PDE3A: variants seen among roughly 807,000 people sequenced by gnomAD.
PDE3A encodes phosphodiesterase 3A, also known as cGMP-inhibited 3',5'-cyclic phosphodiesterase 3A.
A neutral mutation model predicts 98.3 loss-of-function variants in PDE3A; 43 were observed. The ratio of observed to expected loss-of-function variants is 0.44; its 90% CI spans 0.34 to 0.56. The LOEUF is 0.56. PDE3A is among the 20% of genes least tolerant of loss of function. PDE3A has a pLI of 0.01. For missense variants in PDE3A, 1,427 were observed against 1,440.7 expected, an observed-to-expected ratio of 0.99 and a Z score of 0.15; for synonymous variants, 663 against 567.9, an observed-to-expected ratio of 1.17 and a Z score of -2.38.
At chr12:20,481,850 C>T (rs955031187) in intron 1 of PDE3A, among the ~76,000 whole-genome samples, 7 of 144,184 alleles carry the variant, frequency 4.9e-5, no homozygotes, top group Non-Finnish European at 7.4e-5. Flanking sequence ...CTGCAAGCTC[C>T]GCCTCCCGTG....
At chr12:20,509,156 G>T (rs1463497575) in intron 1 of PDE3A, among the ~76,000 whole-genome samples, 2 of 151,994 alleles carry the variant, frequency 1.3e-5, no homozygotes, top group Non-Finnish European at 2.9e-5. Flanking sequence ...TATCTAATCT[G>T]CCACCATTAC....
chr12:20,604,545 A>G (rs2121420623), intron 2 of PDE3A, among the ~76,000 whole-genome samples: 1 of 152,308 alleles, frequency 6.6e-6, no homozygotes, highest in Non-Finnish European at 1.5e-5. Flanking sequence ...TTGTTCCAGG[A>G]ATGTTAATGA....
In PDE3A at chr12:20,676,058, TTCTC is replaced by T. The variant is rs370100368; in HGVS notation, c.3185-3958_3185-3955del. On this transcript the variant is annotated intron_variant, in intron 15 of 15. Coordinates refer to ENST00000359062, the MANE Select transcript of PDE3A (RefSeq NM_000921.5). Reference sequence around the variant, plus strand: ...ATTGTTATGTATATCTTTTGTTCCTTTCTCTCTCTCTCTCTCTGTCTTATTGTTT... The same window carrying T: ...ATTGTTATGTATATCTTTTGTTCCTTTCTCTCTCTCTCTGTCTTATTGTTT... 3.9e-4 allele frequency among the ~76,000 whole-genome samples: 58 copies of T among 150,396 alleles called. 1 individual carries two copies. Among genetic ancestry groups the T allele is most frequent in the African/African-American group, 1.3e-3 (52 of 41,280 alleles).
intron 1 of PDE3A, among the ~76,000 whole-genome samples, chr12:20,467,136 G>A (rs1260645683): frequency 1.3e-5 from 2 of 152,058 alleles, no homozygotes; most frequent in African/African-American, 4.8e-5. Flanking sequence ...CTAATTGGGA[G>A]TGAAAGAAGA....
chr12:20,446,097 C>T (rs1277322180), intron 1 of PDE3A, among the ~76,000 whole-genome samples: 1 of 152,130 alleles, frequency 6.6e-6, no homozygotes, highest in Non-Finnish European at 1.5e-5. Context: ...TTTCCCTTCG[C>T]CCTTTCTCCC....
intron 1 of PDE3A, among the ~76,000 whole-genome samples, chr12:20,484,386 A>G (rs1241157510): frequency 1.3e-5 from 2 of 152,242 alleles, no homozygotes; most frequent in Non-Finnish European, 2.9e-5. Context: ...TTGTAATAAA[A>G]ACAGAGTTAA....
chr12:20,536,679 T>G (rs1445011396), intron 1 of PDE3A, among the ~76,000 whole-genome samples: 2 of 152,144 alleles, frequency 1.3e-5, no homozygotes, highest in Non-Finnish European at 2.9e-5. Flanking sequence ...TAGCATAATG[T>G]TTTGAAGGTT....
intron 15 of PDE3A, among the ~76,000 whole-genome samples, chr12:20,668,581 A>G (rs1340798524): frequency 6.6e-6 from 1 of 152,068 alleles, no homozygotes; most frequent in Non-Finnish European, 1.5e-5. Context: ...ACCCCCCAGT[A>G]GAGGAACACT....
At position 20,621,370 on chromosome 12, in the gene PDE3A, C is replaced by T. The variant is rs752027101; in HGVS notation, c.1499C>T (p.Ser500Phe). 1.2e-6 allele frequency: 2 copies of T among 1,611,932 alleles called. No individual in the cohort carries two copies. Among genetic ancestry groups the T allele is most frequent in the Non-Finnish European group, 1.7e-6 (2 of 1,178,314 alleles). The change falls in exon 5 of 16, where the codon TCT becomes TTT. Residue 500 changes from serine (S) to phenylalanine (F), a missense_variant. Ser to Phe is a radical substitution (Grantham distance 155). Transcript: ENST00000359062. ...TCCTTTACTTCATCCTATGCTATTT[C>T]TGCAGCTAACCATGTAAAGGCTAAA... ...SRSFTSSYAISAANHVKAKKQ... is the reference protein window; with the variant it reads ...SRSFTSSYAIFAANHVKAKKQ...
chr12:20,458,977 G>C (rs1383175879), intron 1 of PDE3A, among the ~76,000 whole-genome samples: 5 of 152,052 alleles, frequency 3.3e-5, no homozygotes, highest in South Asian at 2.1e-4. Flanking sequence ...AATATGTAAG[G>C]GTATAAAAAT....
At chr12:20,556,137 T>C (rs573878359) in intron 1 of PDE3A, among the ~76,000 whole-genome samples, 1 of 152,330 alleles carries the variant, frequency 6.6e-6, no homozygotes, top group East Asian at 1.9e-4. Context: ...TGATATTTTA[T>C]AGGTTATTAT....
At chr12:20,599,835 C>T (rs1592097315) in intron 2 of PDE3A, among the ~76,000 whole-genome samples, 2 of 152,098 alleles carry the variant, frequency 1.3e-5, no homozygotes, top group African/African-American at 4.8e-5. Flanking sequence ...TTCTATCTTC[C>T]TTTCATTGCT....
At chr12:20,448,844 G>A (rs1945009063) in intron 1 of PDE3A, among the ~76,000 whole-genome samples, 1 of 149,326 alleles carries the variant, frequency 6.7e-6, no homozygotes, top group South Asian at 2.1e-4. Context: ...CTAGCCTCCT[G>A]AGTAGTTGGA....
chr12:20,406,837 A>T (rs1411143733), intron 1 of PDE3A, among the ~76,000 whole-genome samples: 1 of 152,132 alleles, frequency 6.6e-6, no homozygotes, highest in Non-Finnish European at 1.5e-5. Context: ...TTCAGGTCTT[A>T]CATTTAAGTC....
Position 20,613,303 on chromosome 12 carries a change from A to G in PDE3A, c.1012-140A>G. On this transcript the variant is annotated intron_variant, in intron 2 of 15. Coordinates refer to ENST00000359062, the MANE Select transcript of PDE3A (RefSeq NM_000921.5). Reference sequence around the variant, plus strand: ...AGGGCACATTTTAGCAGAATTTGAAATAGGTGGTGTGAATTTTACTGTACT... The same window carrying G: ...AGGGCACATTTTAGCAGAATTTGAAGTAGGTGGTGTGAATTTTACTGTACT... 3 of 746,888 alleles carry G rather than the reference A, an allele frequency of 4.0e-6. No individual in the cohort carries two copies. In the South Asian group the frequency reaches 5.6e-5, roughly 14 times the overall value. The allele number at this position is 746,888 out of a possible 1,614,324, so 46.3% of individuals were successfully genotyped here. A position where few individuals can be genotyped will look rare whatever the true frequency, so the allele number is the denominator to read the frequency against.
intron 2 of PDE3A, among the ~76,000 whole-genome samples, chr12:20,565,737 A>AT (rs772104994): frequency 6.6e-5 from 10 of 151,384 alleles, no homozygotes; most frequent in Admixed American, 4.0e-4. Context: ...TCTTGGTACA[A>AT]TTTTTTTTTA....
chr12:20,621,252 A>G (rs768178745), intron 4 of PDE3A, 44 bp from the exon 5 acceptor site: 1 of 1,103,474 alleles, frequency 9.1e-7, no homozygotes, highest in Non-Finnish European at 1.4e-6. Context: ...CTGATGAATA[A>G]TTTGTTTAAT....
chr12:20,517,588 T>C (rs903622991), intron 1 of PDE3A, among the ~76,000 whole-genome samples: 8 of 152,234 alleles, frequency 5.3e-5, no homozygotes, highest in African/African-American at 9.6e-5. Flanking sequence ...GATTTAGTTC[T>C]ACTGGATGAT....
chr12:20,373,166 T>G (rs1943508725), intron 1 of PDE3A, among the ~76,000 whole-genome samples: 1 of 152,102 alleles, frequency 6.6e-6, no homozygotes, highest in Admixed American at 6.6e-5. Context: ...CTATAAAGTT[T>G]GTTTAGCTTT....
Sources: allele counts gnomAD v4.1 joint callset (sites outside exome capture counted in the v4.1 genomes callset), GRCh38; gene constraint gnomAD v4.1.1; transcripts MANE v1.5; gene names NCBI Gene and HGNC (gene_info 2026-07-23, HGNC 2026-07-21).